PIK3R3: variants seen among roughly 807,000 people sequenced by gnomAD.
PIK3R3 encodes the protein phosphoinositide-3-kinase regulatory subunit 3.
Under a neutral mutation model 62.9 loss-of-function variants are expected in PIK3R3, and 64 were observed. The observed-to-expected ratio is 1.02, with a 90% confidence interval of 0.83 to 1.25. The LOEUF (loss-of-function observed/expected upper bound fraction) is 1.25. Ranked by LOEUF, PIK3R3 falls within the 50% of genes most tolerant of loss-of-function variation. PIK3R3 has a pLI of 0.00. For synonymous variants in PIK3R3, 165 were observed against 189.0 expected (o/e 0.87, Z 1.04); for missense variants, 614 against 561.6 (o/e 1.09, Z -0.94).
Position 46,055,975 on chromosome 1 carries a change from TA to T in PIK3R3, c.765-5del. The stretch of plus-strand genomic sequence containing the variant: ...TTTATCATAATTCATCATAATTCTG[TA>T]AAAATATTTGACATGTTAAGGCTAA... On this transcript the variant is annotated splice_region_variant and splice_polypyrimidine_tract_variant and intron_variant, in intron 6 of 9. Coordinates refer to ENST00000262741, the MANE Select transcript of PIK3R3 (RefSeq NM_003629.4). 2 of 1,575,452 alleles carry T rather than the reference TA, an allele frequency of 1.3e-6. No individual in the cohort carries two copies. The highest frequency in any genetic ancestry group is 8.6e-7 in the Non-Finnish European group (1 of 1,159,270).
intron 1 of PIK3R3, among the ~76,000 whole-genome samples, chr1:46,104,484 A>G (rs969572690): frequency 1.3e-5 from 2 of 152,222 alleles, no homozygotes; most frequent in Non-Finnish European, 2.9e-5. Context: ...TGTAAATCCT[A>G]TCAGAAAGTA....
chr1:46,070,634 C>T (rs371910900), intron 3 of PIK3R3, among the ~76,000 whole-genome samples: 35 of 152,284 alleles, frequency 2.3e-4, no homozygotes, highest in African/African-American at 8.2e-4. Flanking sequence ...CATGTGGTCA[C>T]GTCCCCTTCT....
chr1:46,072,082 C>A (rs750636361), intron 3 of PIK3R3, among the ~76,000 whole-genome samples: 1 of 152,170 alleles, frequency 6.6e-6, no homozygotes, highest in Non-Finnish European at 1.5e-5. Flanking sequence ...CAAATGTAAT[C>A]TCTTCTGTGA....
At chr1:46,154,494 G>C in the PIK3R3 span, among the ~76,000 whole-genome samples, 8 of 152,078 alleles carry the variant, frequency 5.3e-5, no homozygotes, top group African/African-American at 1.9e-4. Flanking sequence ...GCTTGAGCCT[G>C]GGAGGTTAAG....
At chr1:46,063,872 C>G (rs978481026) in intron 5 of PIK3R3, among the ~76,000 whole-genome samples, 3 of 152,310 alleles carry the variant, frequency 2.0e-5, no homozygotes, top group South Asian at 2.1e-4. Flanking sequence ...GAAAAAAAAG[C>G]ATTCTTATTC....
At chr1:46,053,027 A>T (rs1490819181) in intron 7 of PIK3R3, among the ~76,000 whole-genome samples, 1 of 152,228 alleles carries the variant, frequency 6.6e-6, no homozygotes, top group Non-Finnish European at 1.5e-5. Context: ...CCGACTATAC[A>T]AATTCCAGCA....
chr1:46,080,774 C>A (rs372938800), intron 1 of PIK3R3, 24 bp from the exon 2 acceptor site: 1 of 1,456,670 alleles, frequency 6.9e-7, no homozygotes, highest in African/African-American at 1.4e-5. Context: ...GAATATTACT[C>A]TGTAGATGTA....
At chr1:46,049,168 A>AC (rs1440984433) in intron 7 of PIK3R3, among the ~76,000 whole-genome samples, 4 of 151,844 alleles carry the variant, frequency 2.6e-5, no homozygotes, top group Non-Finnish European at 5.9e-5. Context: ...TCTTCTTAAA[A>AC]AAAAAAAAAA....
Position 46,132,397 on chromosome 1 carries a change from CA to C in PIK3R3, c.-446del. 8.9e-7 allele frequency: 1 copy of C among 1,124,514 alleles called. No individual in the cohort carries two copies. The highest frequency in any genetic ancestry group is 1.1e-6 in the Non-Finnish European group (1 of 909,836). The allele number at this position is 1,124,514 out of a possible 1,614,324, so 69.7% of individuals were successfully genotyped here. ...AACCCGGGCAAGTGACAAAGGAAGG[CA>C]AAAAAGGGGGCTGGAGATTGCGTTC... On this transcript the variant is annotated 5_prime_UTR_variant, in exon 1 of 10. Transcript: ENST00000262741.
chr1:46,058,334 C>T (rs533501189), intron 6 of PIK3R3, among the ~76,000 whole-genome samples: 1 of 152,194 alleles, frequency 6.6e-6, no homozygotes, highest in Non-Finnish European at 1.5e-5. Flanking sequence ...AATGCGGGGT[C>T]GAAGCCGCCA....
rs60334280 is a variant in PIK3R3 at position 46,096,844 on chromosome 1, A to G, written c.107-16094T>C. On this transcript the variant is annotated intron_variant, in intron 1 of 9. Coordinates refer to ENST00000262741, the MANE Select transcript of PIK3R3 (RefSeq NM_003629.4). ...CAACAGAGCGAGACTCTGTCTTAAA[A>G]AAAAAAAAAAAGAAAGAAAAAAGAA... is the stretch of plus-strand genomic sequence containing the variant. Among the ~76,000 whole-genome samples the G allele has an allele frequency of 7.3e-3, 1,110 of 151,736 alleles. 15 individuals carry two copies. The highest frequency in any genetic ancestry group is 0.025 in the African/African-American group (1,047 of 41,474).
chr1:46,163,092 C>T, the PIK3R3 span, among the ~76,000 whole-genome samples: 10 of 152,318 alleles, frequency 6.6e-5, no homozygotes, highest in African/African-American at 2.2e-4. Context: ...GCTGCTTCAG[C>T]CTTTTGGACA....
the PIK3R3 span, among the ~76,000 whole-genome samples, chr1:46,166,470 G>T: frequency 6.6e-6 from 1 of 151,976 alleles, no homozygotes; most frequent in Non-Finnish European, 1.5e-5. Context: ...TGATCTGCCC[G>T]CCTCTGCCTC....
intron 3 of PIK3R3, among the ~76,000 whole-genome samples, chr1:46,068,764 T>C (rs1649232640): frequency 6.6e-6 from 1 of 152,116 alleles, no homozygotes; most frequent in South Asian, 2.1e-4. Context: ...GGGAGAGTAA[T>C]AGGAGACTAG....
At chr1:46,142,676 C>T in the PIK3R3 span, among the ~76,000 whole-genome samples, 96 of 148,104 alleles carry the variant, frequency 6.5e-4, no homozygotes, top group African/African-American at 2.1e-3. Context: ...CCAGCCTGGG[C>T]GACACAGCAA....
intron 1 of PIK3R3, among the ~76,000 whole-genome samples, chr1:46,106,494 T>C (rs1413852619): frequency 1.3e-5 from 2 of 152,344 alleles, no homozygotes; most frequent in South Asian, 4.1e-4. Context: ...TGGTTTTTAG[T>C]AGTTATTTCA....
intron 5 of PIK3R3, among the ~76,000 whole-genome samples, chr1:46,063,888 C>T (rs1055343248): frequency 1.3e-5 from 2 of 152,240 alleles, no homozygotes; most frequent in African/African-American, 4.8e-5. Flanking sequence ...TATTCCAAAA[C>T]TCTCTTCAAA....
At chr1:46,083,054 G>A (rs990145440) in intron 1 of PIK3R3, among the ~76,000 whole-genome samples, 1 of 152,154 alleles carries the variant, frequency 6.6e-6, no homozygotes, top group African/African-American at 2.4e-5. Context: ...ACTCCAGCCT[G>A]GAGACAGAGT....
At chr1:46,144,227 G>A in the PIK3R3 span, among the ~76,000 whole-genome samples, 34 of 152,278 alleles carry the variant, frequency 2.2e-4, no homozygotes, top group African/African-American at 6.0e-4. Flanking sequence ...AAAGGAAGCC[G>A]GTCTTCAGAA....
Sources: allele counts gnomAD v4.1 joint callset (sites outside exome capture counted in the v4.1 genomes callset), GRCh38; gene constraint gnomAD v4.1.1; transcripts MANE v1.5; gene names NCBI Gene and HGNC (gene_info 2026-07-23, HGNC 2026-07-21).